The following SDK1 variants were observed in gnomAD, a reference collection of about 807,000 sequenced individuals.
The protein encoded by SDK1 is protein sidekick-1.
In SDK1, 157 loss-of-function variants were observed where a neutral mutation model predicts 245.5. That is an observed-to-expected ratio of 0.64 (90% CI 0.56 to 0.73). SDK1 has a LOEUF of 0.73. Ranked by LOEUF, SDK1 falls within the 30% of genes least tolerant of loss-of-function variation. The pLI is 0.00. For synonymous variants in SDK1, 1,647 were observed against 1,278.5 expected (o/e 1.29, Z -6.15); for missense variants, 3,583 against 3,002.3 (o/e 1.19, Z -4.52).
intron 4 of SDK1, among the ~76,000 whole-genome samples, chr7:3,703,755 A>G (rs906704992): frequency 5.3e-5 from 8 of 152,316 alleles, no homozygotes; most frequent in South Asian, 2.1e-4. Flanking sequence ...TTCCTTGAAA[A>G]AGGAGACTTC....
intron 14 of SDK1, among the ~76,000 whole-genome samples, chr7:3,990,121 A>C (rs1784183582): frequency 6.6e-6 from 1 of 152,354 alleles, no homozygotes; most frequent in South Asian, 2.1e-4. Context: ...CCACTCTGTG[A>C]ATCTGAAGAA....
At chr7:3,351,449 C>T (rs2128558034) in intron 1 of SDK1, among the ~76,000 whole-genome samples, 1 of 152,174 alleles carries the variant, frequency 6.6e-6, no homozygotes, top group East Asian at 1.9e-4. Context: ...GCTATAAATT[C>T]AAGTGTCAGT....
At chr7:3,967,626 A>G (rs1371590998) in intron 10 of SDK1, among the ~76,000 whole-genome samples, 192 bp downstream of exon 10, 5 of 152,350 alleles carry the variant, frequency 3.3e-5, no homozygotes, top group Admixed American at 1.3e-4. Flanking sequence ...GAATTTCTCC[A>G]TGGTCTCCAG....
intron 38 of SDK1, among the ~76,000 whole-genome samples, chr7:4,219,448 AG>A (rs1785014583): frequency 6.6e-6 from 1 of 152,246 alleles, no homozygotes; most frequent in Non-Finnish European, 1.5e-5. Context: ...GGAGAAGCAA[AG>A]TCACATCTTA....
intron 4 of SDK1, among the ~76,000 whole-genome samples, chr7:3,656,750 T>TG (rs1783197879): frequency 6.6e-6 from 1 of 150,718 alleles, no homozygotes; most frequent in East Asian, 1.9e-4. Context: ...TTTTTTTTTT[T>TG]TTTTTTTTGA....
intron 4 of SDK1, among the ~76,000 whole-genome samples, chr7:3,802,204 A>T (rs1460997382): frequency 6.6e-6 from 1 of 152,094 alleles, no homozygotes; most frequent in Non-Finnish European, 1.5e-5. Flanking sequence ...ATTTTACTAC[A>T]TGTGCAGATG....
chr7:4,268,695 C>G lies in SDK1; in HGVS notation c.*3311C>G. The G allele has an allele frequency of 7.3e-7, 1 of 1,367,864 alleles. No individual in the cohort carries two copies. Among genetic ancestry groups the G allele is most frequent in the Non-Finnish European group, 9.8e-7 (1 of 1,021,994 alleles). The allele number at this position is 1,367,864 out of a possible 1,614,324, so 84.7% of individuals were successfully genotyped here. ...GCACACAGTGTAGCTATCCTCCTGA[C>G]GAGCAACCCGTCTGCGTACCTAAGT... On this transcript the variant is annotated 3_prime_UTR_variant, in exon 45 of 45. Coordinates refer to ENST00000404826, the MANE Select transcript of SDK1 (RefSeq NM_152744.4).
At chr7:3,657,385 G>T (rs187101898) in intron 4 of SDK1, among the ~76,000 whole-genome samples, 1 of 152,288 alleles carries the variant, frequency 6.6e-6, no homozygotes, top group Admixed American at 6.5e-5. Context: ...GCATTCCCGG[G>T]TGGGGCACAG....
chr7:3,391,866 C>G (rs1429579422), intron 1 of SDK1, among the ~76,000 whole-genome samples: 2 of 151,500 alleles, frequency 1.3e-5, no homozygotes, highest in Non-Finnish European at 2.9e-5. Flanking sequence ...TGAGCTCAAG[C>G]AATGCACCTG....
At chr7:3,786,731 G>A (rs1049414341) in intron 4 of SDK1, among the ~76,000 whole-genome samples, 1 of 152,082 alleles carries the variant, frequency 6.6e-6, no homozygotes, top group African/African-American at 2.4e-5. Context: ...TAGGGCTAGA[G>A]GGAGAAAAGA....
chr7:4,265,138 C>G lies in SDK1; in HGVS notation c.6396C>G (p.Asp2132Glu), dbSNP rs1788379734. 2 of 1,611,986 alleles carry G rather than the reference C, an allele frequency of 1.2e-6. No homozygotes were observed. The highest frequency in any genetic ancestry group is 1.7e-6 in the Non-Finnish European group (2 of 1,179,592). ...GCTCCCCGCAGGCCACGGACTCTGA[C>G]TACGAGGACGCGCTGCCCAAGCACT... Reference protein sequence around the residue: ...DASESEATDSDYEDALPKHSF... With the variant: ...DASESEATDSEYEDALPKHSF... Residue 2132 changes from aspartate to glutamate, a missense_variant, in exon 45 of 45, where the codon GAC (aspartate) becomes GAG (glutamate). Coordinates refer to ENST00000404826, the MANE Select transcript of SDK1 (RefSeq NM_152744.4).
At chr7:4,112,903 G>A (rs1312542924) in intron 23 of SDK1, among the ~76,000 whole-genome samples, 2 of 152,004 alleles carry the variant, frequency 1.3e-5, no homozygotes, top group Non-Finnish European at 2.9e-5. Context: ...CCAGGCACCC[G>A]CCACCACGCC....
intron 22 of SDK1, among the ~76,000 whole-genome samples, chr7:4,096,893 T>C (rs1481189998): frequency 1.3e-5 from 2 of 152,158 alleles, no homozygotes; most frequent in African/African-American, 4.8e-5. Flanking sequence ...CCAGTGACTG[T>C]AAGGATCTGT....
chr7:3,729,842 C>G (rs1385157283), intron 4 of SDK1, among the ~76,000 whole-genome samples: 2 of 151,454 alleles, frequency 1.3e-5, no homozygotes, highest in Non-Finnish European at 1.5e-5. Context: ...ATCCTCGGTT[C>G]TCGGCCTTTT....
Position 3,704,266 on chromosome 7 carries a change from A to G in SDK1, c.713+62161A>G, listed in dbSNP as rs1204353521. 2.6e-5 allele frequency among the ~76,000 whole-genome samples: 4 copies of G among 151,302 alleles called. No individual in the cohort carries two copies. In the East Asian group the frequency reaches 7.7e-4, roughly 29 times the overall value. On this transcript the variant is annotated intron_variant, in intron 4 of 44. Transcript: ENST00000404826. ...GAGTAGTATTCTATGGTGTATATAT[A>G]CCATTTTTTCTTTATCTACTCATTG...
At chr7:4,244,594 A>T (rs535018456) in intron 43 of SDK1, among the ~76,000 whole-genome samples, 2 of 152,206 alleles carry the variant, frequency 1.3e-5, no homozygotes, top group African/African-American at 4.8e-5. Flanking sequence ...GCAAATGATC[A>T]CAAGTTCAGC....
chr7:3,927,154 G>A (rs1037504092), intron 5 of SDK1, among the ~76,000 whole-genome samples: 7 of 152,118 alleles, frequency 4.6e-5, no homozygotes, highest in African/African-American at 1.7e-4. Context: ...AATAGCCTGC[G>A]AGATCTTACT....
chr7:4,149,235 C>T, intron 29 of SDK1, 27 bp from the exon 30 acceptor site: 2 of 1,477,208 alleles, frequency 1.4e-6, no homozygotes, highest in Non-Finnish European at 1.8e-6. Context: ...TCTCACATGT[C>T]CCTGGTCTGT....
chr7:3,541,189 T>C (rs1475096519), intron 1 of SDK1, among the ~76,000 whole-genome samples: 1 of 152,356 alleles, frequency 6.6e-6, no homozygotes, highest in African/African-American at 2.4e-5. Context: ...AGTGGACTCA[T>C]GGAGTATGTT....
Sources: allele counts gnomAD v4.1 joint callset (sites outside exome capture counted in the v4.1 genomes callset), GRCh38; gene constraint gnomAD v4.1.1; transcripts MANE v1.5; gene names NCBI Gene and HGNC (gene_info 2026-07-23, HGNC 2026-07-21).